The following PRKAR1A variants were observed in gnomAD, a reference collection of about 807,000 sequenced individuals.
The protein encoded by PRKAR1A is protein kinase cAMP-dependent type I regulatory subunit alpha, also known as cAMP-dependent protein kinase type I-alpha regulatory subunit.
A neutral mutation model predicts 52.0 loss-of-function variants in PRKAR1A; 3 were observed. The observed-to-expected ratio is 0.06, with a 90% CI of 0.03 to 0.15. The LOEUF is 0.15. PRKAR1A is among the 10% of genes least tolerant of loss of function. The pLI is 1.00. For missense variants in PRKAR1A, 240 were observed against 477.4 expected (o/e 0.50, Z 4.63); for synonymous variants, 188 against 168.4 (o/e 1.12, Z -0.90).
chr17:68,446,373 C>T, the PRKAR1A span, among the ~76,000 whole-genome samples: 13 of 151,972 alleles, frequency 8.6e-5, no homozygotes, highest in African/African-American at 2.2e-4. Context: ...TGTAGAGACC[C>T]GGGTTTCACT....
At chr17:68,520,500 A>G (rs1171699988) in intron 2 of PRKAR1A, among the ~76,000 whole-genome samples, 2 of 152,168 alleles carry the variant, frequency 1.3e-5, no homozygotes, top group South Asian at 4.1e-4. Flanking sequence ...GTTTTTATGG[A>G]GTACATGTGA....
At chr17:68,489,347 A>ATATATATATGGAAAG in the PRKAR1A span, among the ~76,000 whole-genome samples, 4 of 121,274 alleles carry the variant, frequency 3.3e-5, no homozygotes, top group African/African-American at 1.3e-4. Context: ...AAGTATATAT[A>ATATATATATGGAAAG]TATATATATA....
the PRKAR1A span, among the ~76,000 whole-genome samples, chr17:68,447,322 A>G: frequency 1.5e-4 from 23 of 152,344 alleles, no homozygotes; most frequent in South Asian, 2.3e-3. Flanking sequence ...CAAGAGAAAT[A>G]ACATTAACTA....
At chr17:68,417,212 T>C in the PRKAR1A span, among the ~76,000 whole-genome samples, 1 of 152,126 alleles carries the variant, frequency 6.6e-6, no homozygotes, top group African/African-American at 2.4e-5. Flanking sequence ...ACAGCTAGAG[T>C]GGCTAGAGCT....
intron 2 of PRKAR1A, chr17:68,515,965 G>T (rs1004533475): frequency 1.3e-5 from 3 of 225,240 alleles, no homozygotes; most frequent in African/African-American, 2.4e-5. Flanking sequence ...GCAAGTAAGC[G>T]TAGTAAATCT....
the PRKAR1A span, among the ~76,000 whole-genome samples, chr17:68,430,559 T>G: frequency 1.3e-5 from 2 of 152,140 alleles, no homozygotes; most frequent in African/African-American, 4.8e-5. Context: ...CAGACAGATC[T>G]CAACGTGAAG....
chr17:68,493,312 C>T, the PRKAR1A span, among the ~76,000 whole-genome samples: 2 of 152,054 alleles, frequency 1.3e-5, no homozygotes, highest in Admixed American at 1.3e-4. Flanking sequence ...GAAAAGAAAG[C>T]TTTAGAGCAG....
chr17:68,423,152 G>A, the PRKAR1A span, among the ~76,000 whole-genome samples: 1 of 152,284 alleles, frequency 6.6e-6, no homozygotes, highest in Middle Eastern at 3.4e-3. This position sits in a 1 kb window ranked among gnomAD's most constrained non-coding sequence, Gnocchi z 4.4. Context: ...GCCTTTTGTG[G>A]TCCTAGAAGA....
At chr17:68,535,677 T>C (rs1206103591), downstream of PRKAR1A, 2 of 447,160 alleles carry the variant, frequency 4.5e-6, no homozygotes, top group East Asian at 1.4e-4. Flanking sequence ...AAATTTTTTT[T>C]TTTTTGTATT....
At chr17:68,450,962 A>C in the PRKAR1A span, 1 of 1,554,388 alleles carries the variant, frequency 6.4e-7, no homozygotes, top group Admixed American at 2.0e-5. Flanking sequence ...TCCAGCCTCC[A>C]TGACACTGGG....
At chr17:68,426,683 C>T in the PRKAR1A span, among the ~76,000 whole-genome samples, 1 of 152,142 alleles carries the variant, frequency 6.6e-6, no homozygotes, top group Admixed American at 6.5e-5. Flanking sequence ...CAAGTGTGTG[C>T]CAACATGCCC....
the PRKAR1A span, among the ~76,000 whole-genome samples, chr17:68,423,422 T>C: frequency 3.3e-5 from 5 of 152,200 alleles, no homozygotes; most frequent in Admixed American, 6.5e-5. The surrounding 1 kb of genome is among the most constrained non-coding windows in gnomAD (Gnocchi z 4.4). Flanking sequence ...CATCACCATC[T>C]ACCTGCAGGC....
At chr17:68,499,378 GA>G in the PRKAR1A span, among the ~76,000 whole-genome samples, 1 of 146,420 alleles carries the variant, frequency 6.8e-6, no homozygotes, top group Non-Finnish European at 1.5e-5. Flanking sequence ...AAGAGAGAGA[GA>G]GAGAGAGAGA....
At chr17:68,517,420 G>A (rs1161796413) in intron 2 of PRKAR1A, among the ~76,000 whole-genome samples, 1 of 152,314 alleles carries the variant, frequency 6.6e-6, no homozygotes, top group East Asian at 1.9e-4. Flanking sequence ...TCACAATTCA[G>A]CATGGCTGGG....
chr17:68,527,961 T>C, intron 8 of PRKAR1A, 61 bp downstream of exon 8: 2 of 1,431,126 alleles, frequency 1.4e-6, no homozygotes, highest in East Asian at 4.6e-5. Flanking sequence ...TAGAATTGGA[T>C]GGACTTGGGA....
chr17:68,434,475 G>T, the PRKAR1A span: 1 of 1,474,510 alleles, frequency 6.8e-7, no homozygotes, highest in Non-Finnish European at 9.3e-7. Context: ...GCCACTCTCT[G>T]TCCTCTCCCT....
the PRKAR1A span, among the ~76,000 whole-genome samples, chr17:68,493,239 C>T: frequency 6.6e-6 from 1 of 152,052 alleles, no homozygotes; most frequent in Admixed American, 6.6e-5. Flanking sequence ...CCATGGCACA[C>T]GTTTACCTAT....
chr17:68,547,398 T>C (rs756581125), intron 11 of PRKAR1A, among the ~76,000 whole-genome samples: 1 of 152,224 alleles, frequency 6.6e-6, no homozygotes, highest in African/African-American at 2.4e-5. Context: ...TCTCTAGCTA[T>C]GGGGAAAGTC....
chr17:68,538,556 T>TA (rs1430509046), intron 11 of PRKAR1A, among the ~76,000 whole-genome samples: 1 of 152,220 alleles, frequency 6.6e-6, no homozygotes, highest in African/African-American at 2.4e-5. Context: ...GGAAGTAAGT[T>TA]AGACATTCTC....
Sources: allele counts gnomAD v4.1 joint callset (sites outside exome capture counted in the v4.1 genomes callset), GRCh38; gene constraint gnomAD v4.1.1; non-coding constraint Gnocchi (gnomAD v3.1); transcripts MANE v1.5; gene names NCBI Gene and HGNC (gene_info 2026-07-23, HGNC 2026-07-21).